SMARCA2: variants seen among roughly 807,000 people sequenced by gnomAD.
The protein encoded by SMARCA2 is SWI/SNF-related matrix-associated actin-dependent regulator of chromatin subfamily A member 2.
A neutral mutation model predicts 199.8 loss-of-function variants in SMARCA2; 61 were observed. The ratio of observed to expected loss-of-function variants is 0.31; its 90% CI spans 0.25 to 0.38. The LOEUF (loss-of-function observed/expected upper bound fraction) is 0.38. Among genes scored for constraint, SMARCA2 ranks in the 10% least tolerant of loss-of-function variants. The pLI, the probability that SMARCA2 is intolerant of heterozygous loss-of-function variation, is 1.00. For synonymous variants in SMARCA2, 935 were observed against 732.0 expected (o/e 1.28, Z -4.48); for missense variants, 1,344 against 2,012.2 (o/e 0.67, Z 6.35).
At chr9:2,163,855 G>C (rs907179935) in intron 28 of SMARCA2, among the ~76,000 whole-genome samples, 3 of 152,124 alleles carry the variant, frequency 2.0e-5, no homozygotes, top group African/African-American at 7.2e-5. Flanking sequence ...ACCAACAGGT[G>C]GATGACATAC....
Position 2,087,064 on chromosome 9 carries a change from G to T in SMARCA2, c.2762G>T (p.Gly921Val), listed in dbSNP as rs1196279821. 1.2e-6 allele frequency: 2 copies of T among 1,614,178 alleles called. No homozygotes were observed. The highest frequency in any genetic ancestry group is 2.7e-5 in the African/African-American group (2 of 75,054). The change falls in exon 18 of 34, where the codon GGT (glycine) becomes GTT (valine). Residue 921 changes from glycine to valine, a missense_variant. Gly to Val is a moderately radical substitution (Grantham distance 109, BLOSUM62 -3). This residue lies in a region of SMARCA2 where 98 missense variants were observed against 245.6 expected (regional missense o/e 0.40). Transcript: ENST00000349721. ...TTCAATGCTCCATTTGCCATGACTGGTGAAAGGGTACTGGTCTGAGTTCTG... is the reference window on the plus strand; with the variant it reads ...TTCAATGCTCCATTTGCCATGACTGTTGAAAGGGTACTGGTCTGAGTTCTG... ...QWFNAPFAMT[G>V]ERVDLNEEET...
At chr9:2,053,109 T>G (rs79753691) in intron 5 of SMARCA2, among the ~76,000 whole-genome samples, 135 of 152,220 alleles carry the variant, frequency 8.9e-4, no homozygotes, top group African/African-American at 3.0e-3. Context: ...AAGTTTTTCA[T>G]CCCTTCCTGC....
In SMARCA2 at chr9:2,077,783, G is replaced by A. The variant is rs1179146297; in HGVS notation, c.2184+7G>A. On this transcript the variant is annotated splice_region_variant and intron_variant, in intron 14 of 33. Transcript: ENST00000349721. ...GACCCTAAAGCATTACCAGGTAATT[G>A]GCATGGTTTCAGTTTCCTTGGCAAG... The A allele has an allele frequency of 1.2e-6, 2 of 1,601,804 alleles. No homozygotes were observed. Among genetic ancestry groups the A allele is most frequent in the Non-Finnish European group, 1.7e-6 (2 of 1,173,676 alleles).
chr9:2,090,300 T>G (rs142690262), intron 19 of SMARCA2, among the ~76,000 whole-genome samples: 1 of 152,270 alleles, frequency 6.6e-6, no homozygotes, highest in Admixed American at 6.5e-5. Context: ...ACCCAGAGTA[T>G]TATATTTGAG....
Position 2,179,762 on chromosome 9 carries a change from A to T in SMARCA2, c.4254-1809A>T, listed in dbSNP as rs372950194. Reference sequence around the variant, plus strand: ...AGAAACATGACACCATCTGTTGGCAATGTAGAAGATGACACCATGAAGATG... The same window carrying T: ...AGAAACATGACACCATCTGTTGGCATTGTAGAAGATGACACCATGAAGATG... On this transcript the variant is annotated intron_variant, in intron 29 of 33. Transcript: ENST00000349721. 2.0e-5 allele frequency among the ~76,000 whole-genome samples: 3 copies of T among 152,194 alleles called. No homozygotes were observed. The East Asian group carries it at 5.8e-4, about 29-fold the overall frequency.
chr9:2,122,004 C>T (rs1823481799), intron 26 of SMARCA2, among the ~76,000 whole-genome samples: 1 of 152,142 alleles, frequency 6.6e-6, no homozygotes, highest in South Asian at 2.1e-4. Context: ...TGACTTTTGC[C>T]ATAATGTTGA....
Position 2,097,375 on chromosome 9 carries a change from T to G in SMARCA2, c.2992-10T>G, listed in dbSNP as rs1563766152. The G allele has an allele frequency of 1.3e-6, 2 of 1,574,162 alleles. No individual in the cohort carries two copies. The highest frequency in any genetic ancestry group is 2.2e-5 in the South Asian group (2 of 89,012). ...ATTAATTCTATTTTTCCCTTTCCAC[T>G]GGTTCTTAGGGGAAAGGAGGTGCTA... On this transcript the variant is annotated splice_polypyrimidine_tract_variant and intron_variant, in intron 20 of 33. Transcript: ENST00000349721.
Position 2,186,232 on chromosome 9 carries a change from AG to A in SMARCA2, c.4594+5del. The A allele has an allele frequency of 6.2e-7, 1 of 1,613,146 alleles. No homozygotes were observed. Among genetic ancestry groups the A allele is most frequent in the East Asian group, 2.2e-5 (1 of 44,842 alleles). ...GAAGAAGAGTCAGAGTCCGAGGGTA[AG>A]CCCAGACATTCGGGTCCTGTACATC... On this transcript the variant is annotated splice_donor_5th_base_variant and intron_variant, in intron 32 of 33. Transcript: ENST00000349721.
Position 2,182,205 on chromosome 9 carries a change from G to C in SMARCA2, c.4424G>C (p.Cys1475Ser). 1.2e-6 allele frequency: 2 copies of C among 1,613,682 alleles called. No homozygotes were observed. Among genetic ancestry groups the C allele is most frequent in the Non-Finnish European group, 1.7e-6 (2 of 1,179,604 alleles). Residue 1475 changes from cysteine (C) to serine (S), a missense_variant, in exon 31 of 34, where the codon TGT becomes TCT. By Grantham distance (112) the Cys-to-Ser change is moderately radical. Transcript: ENST00000349721. ...CTGGAGAAGGATGTCATGCTTCTCT[G>C]TCACAACGCTCAGACGTTCAACCTG... ...GDLEKDVMLL[C>S]HNAQTFNLEG...
At chr9:2,021,746 C>T (rs1239678143) in intron 1 of SMARCA2, among the ~76,000 whole-genome samples, 1 of 152,084 alleles carries the variant, frequency 6.6e-6, no homozygotes, top group African/African-American at 2.4e-5. Flanking sequence ...AAAGAATGTA[C>T]CTGAACATTT....
At chr9:2,027,427 G>C (rs1199111252) in intron 1 of SMARCA2, among the ~76,000 whole-genome samples, 3 of 152,178 alleles carry the variant, frequency 2.0e-5, no homozygotes, top group Non-Finnish European at 4.4e-5. Context: ...GCAATAGAGA[G>C]AGGCCCTGTC....
intron 9 of SMARCA2, among the ~76,000 whole-genome samples, chr9:2,062,910 G>C (rs1484253763): frequency 1.3e-5 from 2 of 152,202 alleles, no homozygotes; most frequent in African/African-American, 4.8e-5. Flanking sequence ...GATGAATGTT[G>C]TGGAGGGAAA....
intron 28 of SMARCA2, among the ~76,000 whole-genome samples, chr9:2,163,814 T>A (rs891644865): frequency 2.6e-5 from 4 of 152,154 alleles, no homozygotes; most frequent in Non-Finnish European, 5.9e-5. Flanking sequence ...AGGTGATGGC[T>A]GTGTCTTTCT....
intron 27 of SMARCA2, among the ~76,000 whole-genome samples, chr9:2,130,138 G>T (rs1160801642): frequency 6.6e-6 from 1 of 152,222 alleles, no homozygotes; most frequent in African/African-American, 2.4e-5. Flanking sequence ...ACAGGCATGA[G>T]CCACCATGCC....
At chr9:2,102,135 G>C (rs1008651305) in intron 22 of SMARCA2, among the ~76,000 whole-genome samples, 1 of 71,682 alleles carries the variant, frequency 1.4e-5, no homozygotes, top group African/African-American at 7.1e-5. Flanking sequence ...AACAGAAAGT[G>C]TGTGTGTGTG....
chr9:2,117,953 C>G (rs1563779823), intron 25 of SMARCA2, among the ~76,000 whole-genome samples: 1 of 152,230 alleles, frequency 6.6e-6, no homozygotes, highest in East Asian at 1.9e-4. Flanking sequence ...GCTGGCATCA[C>G]CATGGTTGAT....
intron 27 of SMARCA2, among the ~76,000 whole-genome samples, chr9:2,143,958 G>A (rs1037571179): frequency 6.6e-6 from 1 of 152,126 alleles, no homozygotes; most frequent in Non-Finnish European, 1.5e-5. Context: ...TAGGAGAAAA[G>A]ACATACAAAA....
intron 9 of SMARCA2, among the ~76,000 whole-genome samples, chr9:2,068,758 A>G (rs192637476): frequency 6.6e-6 from 1 of 152,186 alleles, no homozygotes; most frequent in African/African-American, 2.4e-5. Flanking sequence ...ATGCAGAAAT[A>G]GTATAGCTTT....
intron 27 of SMARCA2, among the ~76,000 whole-genome samples, chr9:2,149,988 C>T (rs976168700): frequency 6.6e-6 from 1 of 151,450 alleles, no homozygotes; most frequent in African/African-American, 2.4e-5. Flanking sequence ...ACCAGACACT[C>T]CTCTACTGAC....
Sources: gnomAD v4.1 joint callset for allele counts (sites outside exome capture counted in the v4.1 genomes callset) on GRCh38, gnomAD v4.1.1 for gene constraint, gnomAD v4.1.1 regional missense constraint, MANE v1.5 for transcripts, NCBI Gene and HGNC (gene_info 2026-07-23, HGNC 2026-07-21) for gene names.